ADAM8: variants seen among roughly 807,000 people sequenced by gnomAD.
ADAM8 encodes the protein ADAM metallopeptidase domain 8.
In ADAM8, 104 loss-of-function variants were observed where a neutral mutation model predicts 102.4. The ratio of observed to expected loss-of-function variants is 1.02; its 90% CI spans 0.87 to 1.20. ADAM8 has a LOEUF of 1.20. ADAM8 is among the 50% of genes most tolerant of loss of function. The pLI, the probability that ADAM8 is intolerant of heterozygous loss-of-function variation, is 0.00. For missense variants in ADAM8, 1,132 were observed against 1,159.0 expected (o/e 0.98, Z 0.34); for synonymous variants, 517 against 485.2 (o/e 1.07, Z -0.86).
At chr10:133,266,149 C>T (rs1049938897) in intron 21 of ADAM8, among the ~76,000 whole-genome samples, 1 of 152,082 alleles carries the variant, frequency 6.6e-6, no homozygotes, top group African/African-American at 2.4e-5. Flanking sequence ...GGCTGAGGGA[C>T]TCTGAAAACA....
intron 18 of ADAM8, chr10:133,269,166 C>T (rs1224819299): frequency 1.1e-5 from 11 of 985,314 alleles, no homozygotes; most frequent in Non-Finnish European, 1.1e-5. Context: ...GGCCCCGGGC[C>T]GAGGAGGGGC....
intron 16 of ADAM8, 43 bp downstream of exon 16, chr10:133,270,317 G>A (rs375024715): frequency 1.6e-5 from 25 of 1,553,760 alleles, no homozygotes; most frequent in Middle Eastern, 2.0e-4. Context: ...GCACATGCCC[G>A]GGATGCCTGG....
At chr10:133,269,578 G>A (rs757247731) in intron 17 of ADAM8, 49 bp from the exon 18 acceptor site, 3 of 1,483,162 alleles carry the variant, frequency 2.0e-6, no homozygotes, top group Non-Finnish European at 2.7e-6. Context: ...GACCCCAAGG[G>A]GCCGTGGGGG....
In ADAM8 at chr10:133,270,354, G is replaced by A; in HGVS notation, c.1785+6C>T. On this transcript the variant is annotated splice_donor_region_variant and intron_variant, in intron 16 of 22. Transcript: ENST00000445355. ...GGGTGGCGCGGCCTCTGAGCCAGGGGCTCACCTTCTCTGGTCCACACCGGG... is the reference window on the plus strand; with the variant it reads ...GGGTGGCGCGGCCTCTGAGCCAGGGACTCACCTTCTCTGGTCCACACCGGG... 1 of 1,579,436 alleles carries A rather than the reference G, an allele frequency of 6.3e-7. No homozygotes were observed. Among genetic ancestry groups the A allele is most frequent in the African/African-American group, 1.3e-5 (1 of 74,356 alleles).
chr10:133,262,831 A>G lies in ADAM8; in HGVS notation c.*325T>C. On this transcript the variant is annotated 3_prime_UTR_variant, in exon 23 of 23. Transcript: ENST00000445355. Reference sequence around the variant, plus strand: ...GGCAGGTGTGGCTGGGAGGGGCTGTATATGTGGCCTCCTGAACACAGCGGG... The same window carrying G: ...GGCAGGTGTGGCTGGGAGGGGCTGTGTATGTGGCCTCCTGAACACAGCGGG... The G allele has an allele frequency of 5.7e-6, 2 of 349,208 alleles. No homozygotes were observed. The highest frequency in any genetic ancestry group is 6.6e-5 in the South Asian group (2 of 30,176). 21.6% of individuals were successfully genotyped at this position (349,208 alleles called of 1,614,324 possible). A position where few individuals can be genotyped will look rare whatever the true frequency, so the allele number is the denominator to read the frequency against.
intron 17 of ADAM8, 59 bp from the exon 18 acceptor site, chr10:133,269,588 G>T (rs533289487): frequency 2.3e-4 from 344 of 1,465,940 alleles, no homozygotes; most frequent in Non-Finnish European, 3.0e-4. Context: ...GGCCGTGGGG[G>T]CCGTGCCTCC....
intron 21 of ADAM8, among the ~76,000 whole-genome samples, chr10:133,266,284 T>C (rs2995307): frequency 0.89 from 135,729 of 152,188 alleles, 60,603 homozygotes; most frequent in East Asian, 0.94. Flanking sequence ...TGGGTCGCAT[T>C]GGTGACGTGG....
At chr10:133,265,797 CAAAA>C (rs112771721) in intron 21 of ADAM8, among the ~76,000 whole-genome samples, 1 of 135,984 alleles carries the variant, frequency 7.4e-6, no homozygotes, top group East Asian at 2.1e-4. Context: ...GACTCCATCT[CAAAA>C]AAAAAAAAGA....
intron 1 of ADAM8, 77 bp from the exon 2 acceptor site, chr10:133,275,664 T>C: frequency 1.3e-6 from 1 of 757,784 alleles, no homozygotes; most frequent in Non-Finnish European, 2.0e-6. Context: ...GGCCCTCAGA[T>C]TCTGTCTCTT....
intron 15 of ADAM8, 28 bp from the exon 16 acceptor site, chr10:133,270,538 A>G: frequency 6.4e-7 from 1 of 1,572,874 alleles, no homozygotes; most frequent in Non-Finnish European, 8.7e-7. Flanking sequence ...GTCGTGGGCC[A>G]GCTTGCCTGG....
At position 133,269,490 on chromosome 10, in the gene ADAM8, A is replaced by G. The variant is rs771835481; in HGVS notation, c.1903T>C (p.Trp635Arg). The stretch of plus-strand genomic sequence containing the variant: ...AGCTTCGCGCAGTGGGGCGGGGCCC[A>G]GCCCGCGTGGCAGTGGCACTCCTGC... ...HKQECHCHAG[W>R]APPHCAKLLT... Residue 635 changes from tryptophan (W) to arginine (R), a missense_variant, in exon 18 of 23, where the codon TGG becomes CGG. Coordinates refer to ENST00000445355, the MANE Select transcript of ADAM8 (RefSeq NM_001109.5). The G allele has an allele frequency of 6.3e-7, 1 of 1,599,512 alleles. No homozygotes were observed. The highest frequency in any genetic ancestry group is 2.2e-5 in the East Asian group (1 of 44,714).
In ADAM8 at chr10:133,269,545, G is replaced by C. The variant is rs1188710916; in HGVS notation, c.1864-16C>G. ...GGTTGCACACCTGCGGGGACGGCTG[G>C]GCTCAGGGCCAACCCTGTTGTGGAC... is the stretch of plus-strand genomic sequence containing the variant. On this transcript the variant is annotated splice_polypyrimidine_tract_variant and intron_variant, in intron 17 of 22. Coordinates refer to ENST00000445355, the MANE Select transcript of ADAM8 (RefSeq NM_001109.5). The C allele has an allele frequency of 1.9e-6, 3 of 1,583,506 alleles. No homozygotes were observed. In the Admixed American group the frequency reaches 5.2e-5, roughly 28 times the overall value.
At position 133,268,115 on chromosome 10, in the gene ADAM8, G is replaced by A. The variant is rs575741573; in HGVS notation, c.2067C>T (p.Asn689=). The A allele has an allele frequency of 1.1e-5, 14 of 1,268,494 alleles. No homozygotes were observed. Among genetic ancestry groups the A allele is most frequent in the East Asian group, 3.0e-5 (1 of 33,192 alleles). The allele number at this position is 1,268,494 out of a possible 1,614,324, so 78.6% of individuals were successfully genotyped here. A position where few individuals can be genotyped will look rare whatever the true frequency, so the allele number is the denominator to read the frequency against. Residue 689 remains asparagine (N), a synonymous_variant, in exon 20 of 23, where the codon AAC becomes AAT. Transcript: ENST00000445355. ...GCCCCATTGTGGTCTTGGGAGCCAC[G>A]TTCCTGGGGAGGAAGCACAGGGCGC... ...RKARSRILSR[N]VAPKTTMGRS...
chr10:133,274,275 C>G, intron 2 of ADAM8, 40 bp from the exon 3 acceptor site: 1 of 1,497,888 alleles, frequency 6.7e-7, no homozygotes, highest in South Asian at 1.3e-5. Context: ...GCAGCCTGCC[C>G]GGGCTGTGCC....
intron 10 of ADAM8, 49 bp downstream of exon 10, chr10:133,272,144 T>C: frequency 6.5e-7 from 1 of 1,535,756 alleles, no homozygotes; most frequent in Non-Finnish European, 8.8e-7. Flanking sequence ...TCCCCTCCCC[T>C]ATCCAGCTCT....
chr10:133,266,911 T>C (rs967497652), intron 21 of ADAM8, among the ~76,000 whole-genome samples: 1 of 152,184 alleles, frequency 6.6e-6, no homozygotes, highest in African/African-American at 2.4e-5. Flanking sequence ...ACCCTCAGCA[T>C]GCCAGGGCTC....
At chr10:133,276,672 GGGTGCGA>G in intron 1 of ADAM8, 93 bp downstream of exon 1, 1 of 1,451,708 alleles carries the variant, frequency 6.9e-7, no homozygotes, top group Non-Finnish European at 9.1e-7. Flanking sequence ...CCAGGGTGCG[GGGTGCGA>G]GCAGGCCAGG....
chr10:133,263,899 G>A (rs573474801), intron 21 of ADAM8, 134 bp from the exon 22 acceptor site: 17 of 724,080 alleles, frequency 2.3e-5, no homozygotes, highest in Admixed American at 3.9e-5. Flanking sequence ...TGCAGGCTCC[G>A]CCCCCACTGA....
chr10:133,276,626 TG>T, intron 1 of ADAM8, 145 bp downstream of exon 1: 1 of 1,249,548 alleles, frequency 8.0e-7, no homozygotes, highest in African/African-American at 1.6e-5. Flanking sequence ...ACTGTGCACC[TG>T]ATGGCCCGCT....
Sources: gnomAD v4.1 joint callset for allele counts (sites outside exome capture counted in the v4.1 genomes callset) on GRCh38, gnomAD v4.1.1 for gene constraint, MANE v1.5 for transcripts, NCBI Gene and HGNC (gene_info 2026-07-23, HGNC 2026-07-21) for gene names.